The following RNF214 variants were observed in gnomAD, a reference collection of about 807,000 sequenced individuals.
RNF214 encodes the protein ring finger protein 214.
Under a neutral mutation model 75.9 loss-of-function variants are expected in RNF214, and 25 were observed. That is an observed-to-expected ratio of 0.33 (90% confidence interval 0.24 to 0.46). The LOEUF (loss-of-function observed/expected upper bound fraction) is 0.46, where lower values mean the gene tolerates loss of function less well. Among genes scored for constraint, RNF214 ranks in the 20% least tolerant of loss-of-function variants. The pLI, the probability that RNF214 is intolerant of heterozygous loss-of-function variation, is 1.00. For synonymous variants in RNF214, 314 were observed against 308.8 expected (o/e 1.02, Z -0.18); for missense variants, 725 against 857.5 (o/e 0.85, Z 1.93).
In RNF214 at chr11:117,281,831, C is replaced by G. The variant is rs1009443743; in HGVS notation, c.1336-63C>G. ...CAAGAGTTGTTCATTGATGTCTTCT[C>G]CAGTTTCCTAAACTTTCTTTTTCTT... On this transcript the variant is annotated intron_variant, in intron 10 of 14. Transcript: ENST00000300650. The G allele has an allele frequency of 3.2e-6, 5 of 1,573,602 alleles. No homozygotes were observed. The African/African-American group carries it at 6.8e-5, about 22-fold the overall frequency.
chr11:117,250,418 A>T (rs2033339936), intron 6 of RNF214, among the ~76,000 whole-genome samples: 1 of 152,160 alleles, frequency 6.6e-6, no homozygotes, highest in Non-Finnish European at 1.5e-5. Flanking sequence ...TTAAGAAATT[A>T]AAAAAATATT....
intron 2 of RNF214, among the ~76,000 whole-genome samples, 192 bp downstream of exon 2, chr11:117,234,571 T>A (rs2032848083): frequency 6.6e-6 from 1 of 152,206 alleles, no homozygotes; most frequent in African/African-American, 2.4e-5. Flanking sequence ...TGCTAAATGT[T>A]TGGGGAATAA....
chr11:117,232,878 C>T (rs1181239788), intron 1 of RNF214, 152 bp downstream of exon 1: 18 of 129,412 alleles, frequency 1.4e-4, no homozygotes, highest in African/African-American at 4.7e-4. Context: ...GCGGGGGTCC[C>T]GGCCTAGAAG....
chr11:117,262,604 A>G (rs1003755336), intron 6 of RNF214, among the ~76,000 whole-genome samples: 6 of 148,286 alleles, frequency 4.0e-5, no homozygotes, highest in Admixed American at 6.7e-5. Context: ...TTGATCTTGA[A>G]CTCCTGGCCG....
At chr11:117,235,359 G>A (rs558927144) in intron 2 of RNF214, among the ~76,000 whole-genome samples, 169 of 152,142 alleles carry the variant, frequency 1.1e-3, no homozygotes, top group African/African-American at 4.0e-3. Flanking sequence ...ACTACGCCCG[G>A]CTAATTTTTT....
chr11:117,237,076 G>A (rs964855038), intron 2 of RNF214, among the ~76,000 whole-genome samples: 4 of 152,088 alleles, frequency 2.6e-5, no homozygotes, highest in Non-Finnish European at 2.9e-5. Flanking sequence ...AATCAGCTTC[G>A]AGTGTTTTTA....
At chr11:117,266,344 A>G (rs933698168) in intron 6 of RNF214, among the ~76,000 whole-genome samples, 8 of 152,058 alleles carry the variant, frequency 5.3e-5, no homozygotes, top group Non-Finnish European at 1.0e-4. Flanking sequence ...CACCAAACTT[A>G]TGAAATTTTC....
chr11:117,273,642 T>C (rs1226055888), intron 6 of RNF214, among the ~76,000 whole-genome samples: 1 of 152,194 alleles, frequency 6.6e-6, no homozygotes, highest in African/African-American at 2.4e-5. Context: ...AGTTTAATGA[T>C]TGCAGAGCAT....
chr11:117,241,544 C>T (rs1307673273), intron 4 of RNF214, among the ~76,000 whole-genome samples: 3 of 149,940 alleles, frequency 2.0e-5, no homozygotes, highest in African/African-American at 7.4e-5. Context: ...TGCACCACTG[C>T]ACTCCAGCCT....
chr11:117,270,256 T>C (rs2033882446), intron 6 of RNF214, among the ~76,000 whole-genome samples: 1 of 136,244 alleles, frequency 7.3e-6, no homozygotes, highest in African/African-American at 2.8e-5. Context: ...TTTTTTTTTT[T>C]TTTTTTTTTT....
At chr11:117,243,200 G>T (rs2033127613) in intron 4 of RNF214, among the ~76,000 whole-genome samples, 2 of 152,182 alleles carry the variant, frequency 1.3e-5, no homozygotes, top group South Asian at 2.1e-4. Context: ...AGTCTGGACT[G>T]CAGGGGCACA....
At chr11:117,259,558 T>G (rs902953212) in intron 6 of RNF214, among the ~76,000 whole-genome samples, 2 of 152,228 alleles carry the variant, frequency 1.3e-5, no homozygotes, top group Admixed American at 6.5e-5. Flanking sequence ...TTCTGGTTGC[T>G]TCACATCTTT....
intron 2 of RNF214, 138 bp from the exon 3 acceptor site, chr11:117,238,463 A>G: frequency 3.8e-6 from 3 of 799,654 alleles, no homozygotes; most frequent in South Asian, 3.5e-5. Context: ...CTACCTGCAT[A>G]CAGGATAGAA....
chr11:117,251,957 T>C (rs2033406494), intron 6 of RNF214, among the ~76,000 whole-genome samples: 2 of 152,136 alleles, frequency 1.3e-5, no homozygotes, highest in Non-Finnish European at 2.9e-5. Context: ...CAACCTCCAC[T>C]TCCTGTGTTC....
chr11:117,285,022 A>G, intron 14 of RNF214, 64 bp from the exon 15 acceptor site: 16 of 1,087,756 alleles, frequency 1.5e-5, no homozygotes, highest in Non-Finnish European at 2.1e-5. Flanking sequence ...CCTTATTGGC[A>G]TTCTCTCCTT....
chr11:117,263,379 G>A (rs1008773730), intron 6 of RNF214, among the ~76,000 whole-genome samples: 1 of 151,614 alleles, frequency 6.6e-6, no homozygotes, highest in Non-Finnish European at 1.5e-5. Flanking sequence ...GGGTGCAAGC[G>A]ATTCTCCTGC....
rs571792562 is a variant in RNF214 at position 117,286,107 on chromosome 11, T to A, written c.*956T>A. 2 of 152,778 alleles carry A rather than the reference T, an allele frequency of 1.3e-5. No individual in the cohort carries two copies. The highest frequency in any genetic ancestry group is 4.1e-4 in the South Asian group (2 of 4,824). The allele number at this position is 152,778 out of a possible 1,614,324, so 9.5% of individuals were successfully genotyped here. ...CCAGACAGGCACTGGGGTGAGGAGA[T>A]GTCTGTGCAAAATTACTTGTAGAAT... On this transcript the variant is annotated 3_prime_UTR_variant, in exon 15 of 15. Transcript: ENST00000300650.
intron 6 of RNF214, among the ~76,000 whole-genome samples, chr11:117,256,030 C>T (rs181224006): frequency 4.6e-5 from 7 of 152,292 alleles, no homozygotes; most frequent in Admixed American, 6.5e-5. Flanking sequence ...CCCACACAAC[C>T]GTGCTGGTTT....
chr11:117,252,845 T>C (rs2033435397), intron 6 of RNF214, among the ~76,000 whole-genome samples: 1 of 152,162 alleles, frequency 6.6e-6, no homozygotes, highest in South Asian at 2.1e-4. Flanking sequence ...TGTTTTATTC[T>C]TTTAGTGCCA....
Sources: allele counts gnomAD v4.1 joint callset (sites outside exome capture counted in the v4.1 genomes callset), GRCh38; gene constraint gnomAD v4.1.1; transcripts MANE v1.5; gene names NCBI Gene and HGNC (gene_info 2026-07-23, HGNC 2026-07-21).